The following EPHA3 variants were observed in gnomAD, a reference collection of about 807,000 sequenced individuals.
The protein encoded by EPHA3 is ephrin type-A receptor 3.
In EPHA3, 42 loss-of-function variants were observed where a neutral mutation model predicts 107.1. That is an observed-to-expected ratio of 0.39 (90% confidence interval 0.31 to 0.51). EPHA3 has a LOEUF of 0.51. EPHA3 is among the 20% of genes least tolerant of loss of function. The pLI, the probability that EPHA3 is intolerant of heterozygous loss-of-function variation, is 0.78. For synonymous variants in EPHA3, 461 were observed against 424.8 expected, an observed-to-expected ratio of 1.09 and a Z score of -1.05; for missense variants, 1,183 against 1,211.2, an observed-to-expected ratio of 0.98 and a Z score of 0.35.
rs545642854 is a variant in EPHA3 at position 89,371,203 on chromosome 3, C to T, written c.1307-24634C>T. ...ATTCCAGTGATTATTTTTATTTAAA[C>T]TTGTTTTTGGCTGATGATTTTGAGA... is the stretch of plus-strand genomic sequence containing the variant. On this transcript the variant is annotated intron_variant, in intron 5 of 16. Coordinates refer to ENST00000336596, the MANE Select transcript of EPHA3 (RefSeq NM_005233.6). 9.9e-5 allele frequency among the ~76,000 whole-genome samples: 15 copies of T among 151,562 alleles called. No individual in the cohort carries two copies. The East Asian group carries it at 2.9e-3, about 30-fold the overall frequency.
At chr3:89,242,877 T>A (rs188230919) in intron 3 of EPHA3, among the ~76,000 whole-genome samples, 2 of 151,626 alleles carry the variant, frequency 1.3e-5, no homozygotes, top group African/African-American at 4.8e-5. Flanking sequence ...TAACGTTTGG[T>A]ATATCTCCTA....
At chr3:89,130,916 G>A (rs762460143) in intron 2 of EPHA3, among the ~76,000 whole-genome samples, 3 of 152,282 alleles carry the variant, frequency 2.0e-5, no homozygotes, top group Non-Finnish European at 4.4e-5. Context: ...GATTACAGGC[G>A]TGAGACACCG....
At chr3:89,117,241 G>A (rs745577018) in intron 1 of EPHA3, among the ~76,000 whole-genome samples, 9 of 152,066 alleles carry the variant, frequency 5.9e-5, no homozygotes, top group Non-Finnish European at 1.2e-4. Flanking sequence ...TCCAGTAAGT[G>A]TAAACTGCCT....
At chr3:89,352,639 C>T (rs1405925082) in intron 5 of EPHA3, among the ~76,000 whole-genome samples, 1 of 151,040 alleles carries the variant, frequency 6.6e-6, no homozygotes, top group Non-Finnish European at 1.5e-5. Context: ...TGTGGTGGCT[C>T]ATGTCTGTAA....
intron 6 of EPHA3, among the ~76,000 whole-genome samples, chr3:89,397,558 C>G (rs1708874780): frequency 1.3e-5 from 2 of 150,304 alleles, no homozygotes; most frequent in Non-Finnish European, 3.0e-5. Flanking sequence ...ACTCCCTCAA[C>G]AAATGCAACA....
At chr3:89,226,893 T>C (rs774609329) in intron 3 of EPHA3, among the ~76,000 whole-genome samples, 3 of 152,088 alleles carry the variant, frequency 2.0e-5, no homozygotes, top group Non-Finnish European at 4.4e-5. Flanking sequence ...ATCCTTCATA[T>C]ACATTCCATT....
intron 1 of EPHA3, among the ~76,000 whole-genome samples, chr3:89,111,730 C>A (rs1707115270): frequency 6.6e-6 from 1 of 152,058 alleles, no homozygotes; most frequent in Non-Finnish European, 1.5e-5. Flanking sequence ...AAATCTATCA[C>A]AAAATTAATT....
At chr3:89,243,237 C>G (rs1432443269) in intron 3 of EPHA3, among the ~76,000 whole-genome samples, 1 of 152,082 alleles carries the variant, frequency 6.6e-6, no homozygotes, top group Non-Finnish European at 1.5e-5. Context: ...TTCTTTATAG[C>G]AGCATGATAT....
intron 3 of EPHA3, among the ~76,000 whole-genome samples, chr3:89,306,128 A>C (rs1039205709): frequency 6.6e-6 from 1 of 152,100 alleles, no homozygotes; most frequent in African/African-American, 2.4e-5. Context: ...TCAGTACCTT[A>C]AATTTAATAA....
chr3:89,291,303 G>A (rs1338940415), intron 3 of EPHA3, among the ~76,000 whole-genome samples: 2 of 152,038 alleles, frequency 1.3e-5, no homozygotes, highest in South Asian at 2.1e-4. Context: ...TAATTATGGA[G>A]GCTAGAAAAC....
intron 16 of EPHA3, among the ~76,000 whole-genome samples, chr3:89,475,202 T>G (rs1186403719): frequency 1.3e-5 from 2 of 152,204 alleles, no homozygotes; most frequent in African/African-American, 4.8e-5. Flanking sequence ...GAGGCAACAT[T>G]TTCAGCATAA....
chr3:89,172,818 T>C, intron 2 of EPHA3, among the ~76,000 whole-genome samples: 1 of 152,162 alleles, frequency 6.6e-6, no homozygotes, highest in East Asian at 1.9e-4. Context: ...AGGTATAGAA[T>C]TGTCATGATT....
intron 3 of EPHA3, among the ~76,000 whole-genome samples, chr3:89,238,457 A>C (rs1704823001): frequency 6.6e-6 from 1 of 152,216 alleles, no homozygotes. Flanking sequence ...TAAAGATTTC[A>C]ATATTGTATT....
At chr3:89,471,161 C>T (rs1325998863) in intron 15 of EPHA3, among the ~76,000 whole-genome samples, 4 of 149,880 alleles carry the variant, frequency 2.7e-5, no homozygotes. Context: ...ATTAAAGAGG[C>T]CACTAAGAGC....
chr3:89,387,023 C>T (rs568433892), intron 5 of EPHA3, among the ~76,000 whole-genome samples: 35 of 152,258 alleles, frequency 2.3e-4, no homozygotes, highest in African/African-American at 7.9e-4. Context: ...TTTACAGGCT[C>T]ATAGGCAGAA....
chr3:89,257,134 T>C (rs553724037), intron 3 of EPHA3, among the ~76,000 whole-genome samples: 4 of 152,218 alleles, frequency 2.6e-5, no homozygotes, highest in African/African-American at 9.6e-5. Flanking sequence ...ACTGAACTTT[T>C]GAACTATCGA....
chr3:89,158,512 GTAT>G (rs1318943539), intron 2 of EPHA3, among the ~76,000 whole-genome samples: 1 of 152,066 alleles, frequency 6.6e-6, no homozygotes, highest in African/African-American at 2.4e-5. Flanking sequence ...AGAAAACAAT[GTAT>G]TATTACAAAA....
chr3:89,127,396 A>C (rs1704117333), intron 2 of EPHA3, 123 bp downstream of exon 2: 3 of 670,568 alleles, frequency 4.5e-6, no homozygotes, highest in Non-Finnish European at 7.5e-6. Context: ...TACTTATAGG[A>C]GTATTCAATA....
intron 3 of EPHA3, among the ~76,000 whole-genome samples, chr3:89,276,938 C>A (rs936992411): frequency 6.6e-6 from 1 of 152,106 alleles, no homozygotes; most frequent in African/African-American, 2.4e-5. Context: ...TAACAGTTTT[C>A]AATGAGTATA....
Sources: allele counts gnomAD v4.1 joint callset (sites outside exome capture counted in the v4.1 genomes callset), GRCh38; gene constraint gnomAD v4.1.1; transcripts MANE v1.5; gene names NCBI Gene and HGNC (gene_info 2026-07-23, HGNC 2026-07-21).